The following GSE1 variants were observed in gnomAD, a reference collection of about 807,000 sequenced individuals.
GSE1 encodes Gse1 coiled-coil protein.
In GSE1, 32 loss-of-function variants were observed where a neutral mutation model predicts 112.6. The observed-to-expected ratio is 0.28, with a 90% CI of 0.21 to 0.38. The LOEUF (loss-of-function observed/expected upper bound fraction) is 0.38. Among genes scored for constraint, GSE1 ranks in the 10% least tolerant of loss-of-function variants. GSE1 has a pLI of 1.00. For missense variants in GSE1, 2,348 were observed against 1,699.2 expected (o/e 1.38, Z -6.71); for synonymous variants, 1,115 against 735.6 (o/e 1.52, Z -8.35).
intron 2 of GSE1, among the ~76,000 whole-genome samples, chr16:85,409,326 C>T (rs1250337734): frequency 3.4e-4 from 16 of 47,074 alleles, no homozygotes; most frequent in African/African-American, 1.7e-3. Context: ...ATAATCCTCA[C>T]TGTTACACTC....
chr16:85,629,166 G>A (rs767678985), intron 1 of GSE1, among the ~76,000 whole-genome samples: 25 of 152,300 alleles, frequency 1.6e-4, no homozygotes, highest in Non-Finnish European at 2.6e-4. Context: ...CCAGCACCAC[G>A]CTTCCTGTAC....
In GSE1 at chr16:85,419,605, CA is replaced by C. The variant is rs35813254; in HGVS notation, c.2464+61974del. ...TGGGCAATAGAGCAAGGCTGTGTCTCAAAAAAAAAAAACAAAAAACAAAAAA... is the reference window on the plus strand; with the variant it reads ...TGGGCAATAGAGCAAGGCTGTGTCTCAAAAAAAAAAACAAAAAACAAAAAA... On this transcript the variant is annotated intron_variant, in intron 2 of 2. Coordinates refer to the GSE1 transcript ENST00000637419. This position sits in a 1 kb window ranked among gnomAD's most constrained non-coding sequence, Gnocchi z 6.5. 0.28 allele frequency among the ~76,000 whole-genome samples: 41,219 copies of C among 145,370 alleles called. 5,879 individuals are homozygous for C. Among genetic ancestry groups the C allele is most frequent in the Middle Eastern group, 0.4 (114 of 286 alleles).
intron 1 of GSE1, among the ~76,000 whole-genome samples, chr16:85,591,102 A>G (rs936957313): frequency 6.6e-6 from 1 of 152,214 alleles, no homozygotes; most frequent in Admixed American, 6.5e-5. Flanking sequence ...GGCAGAGGCC[A>G]TCGGGACTTA....
intron 1 of GSE1, among the ~76,000 whole-genome samples, chr16:85,312,937 C>T (rs1047864104): frequency 3.3e-5 from 5 of 152,236 alleles, no homozygotes; most frequent in African/African-American, 1.2e-4. Context: ...GACGGAAGTG[C>T]TGAGGCCAAG....
At chr16:85,527,840 G>A (rs573030322) in intron 2 of GSE1, among the ~76,000 whole-genome samples, 84 of 152,372 alleles carry the variant, frequency 5.5e-4, no homozygotes, top group African/African-American at 1.9e-3. Flanking sequence ...TGGTGGAATG[G>A]GAACAGAGTC....
intron 2 of GSE1, among the ~76,000 whole-genome samples, chr16:85,361,424 T>G (rs1264663196): frequency 6.7e-6 from 1 of 149,906 alleles, no homozygotes; most frequent in Non-Finnish European, 1.5e-5. Context: ...GGACACACAT[T>G]CCAAATGCCC....
intron 2 of GSE1, among the ~76,000 whole-genome samples, chr16:85,494,403 C>G (rs971706906): frequency 6.6e-6 from 1 of 152,078 alleles, no homozygotes; most frequent in South Asian, 2.1e-4. Context: ...ATGACCTTAT[C>G]CTTAGTAACT....
At chr16:85,465,504 A>G (rs2050098831) in intron 2 of GSE1, among the ~76,000 whole-genome samples, 1 of 152,226 alleles carries the variant, frequency 6.6e-6, no homozygotes, top group Non-Finnish European at 1.5e-5. Context: ...GGGTAAGTGC[A>G]TCAGTCCAGT....
At chr16:85,510,420 C>CTGTG (rs964109424) in intron 2 of GSE1, among the ~76,000 whole-genome samples, 17 of 148,778 alleles carry the variant, frequency 1.1e-4, no homozygotes, top group Non-Finnish European at 1.9e-4. Context: ...GTGTGTGTGT[C>CTGTG]TGTGTGTGTG....
chr16:85,384,282 C>A (rs560155718), intron 2 of GSE1, among the ~76,000 whole-genome samples: 1 of 152,112 alleles, frequency 6.6e-6, no homozygotes, highest in African/African-American at 2.4e-5. Context: ...GTGGGTGCGG[C>A]CGGGTGGCGA....
At chr16:85,453,662 C>G (rs2049745386) in intron 2 of GSE1, among the ~76,000 whole-genome samples, 1 of 152,118 alleles carries the variant, frequency 6.6e-6, no homozygotes, top group African/African-American at 2.4e-5. Context: ...GTCCTGAAGT[C>G]TAGAGCTCAG....
At chr16:85,647,264 C>T (rs1010693089) in intron 2 of GSE1, among the ~76,000 whole-genome samples, 4 of 152,160 alleles carry the variant, frequency 2.6e-5, no homozygotes, top group Non-Finnish European at 4.4e-5. Flanking sequence ...TGCACCCTCC[C>T]CCTGCTACCC....
At chr16:85,599,612 C>T (rs957646908) in intron 1 of GSE1, among the ~76,000 whole-genome samples, 1 of 152,232 alleles carries the variant, frequency 6.6e-6, no homozygotes, top group African/African-American at 2.4e-5. Flanking sequence ...TCTTGCATCT[C>T]ACCTCTGTGG....
chr16:85,411,053 G>A (rs544918979), intron 2 of GSE1, among the ~76,000 whole-genome samples: 3 of 95,686 alleles, frequency 3.1e-5, no homozygotes, highest in South Asian at 3.4e-4. Context: ...CAGGCCACCC[G>A]GATAATCCTC....
rs376016869 is a variant in GSE1, at chr16:85,221,094, T to C, written c.2283+49287T>C. Among the ~76,000 whole-genome samples, 1,216 of 151,888 alleles carry C rather than the reference T, an allele frequency of 8.0e-3. 10 individuals are homozygous for C. Among genetic ancestry groups the C allele is most frequent in the African/African-American group, 0.028 (1,147 of 41,390 alleles). On this transcript the variant is annotated intron_variant, in intron 1 of 2. Coordinates refer to the GSE1 transcript ENST00000637419. ...AACCAGGCCCCCAGCCGTAAAATCC[T>C]GGAGTCGACCAGACCTCCGAGGTCA...
At chr16:85,266,182 C>G (rs974699325) in intron 1 of GSE1, among the ~76,000 whole-genome samples, 1 of 152,166 alleles carries the variant, frequency 6.6e-6, no homozygotes, top group Non-Finnish European at 1.5e-5. Flanking sequence ...GAAGGGCAAA[C>G]TTGTCCCTGT....
At chr16:85,226,550 G>A (rs60321671) in intron 1 of GSE1, among the ~76,000 whole-genome samples, 253 of 152,312 alleles carry the variant, frequency 1.7e-3, no homozygotes, top group African/African-American at 5.9e-3. Flanking sequence ...CTACAGCTGT[G>A]TGTCTGCAGT....
upstream of GSE1, among the ~76,000 whole-genome samples, chr16:85,554,268 TG>T (rs1170956035): frequency 1.3e-5 from 2 of 152,046 alleles, no homozygotes; most frequent in African/African-American, 2.4e-5. Context: ...CCCTTCGATT[TG>T]GGGAATTATC....
chr16:85,619,456 C>T (rs1014724484), intron 1 of GSE1, among the ~76,000 whole-genome samples: 2 of 152,138 alleles, frequency 1.3e-5, no homozygotes, highest in Non-Finnish European at 2.9e-5. Context: ...AGGGCCACTT[C>T]TAGGCTAACC....
Sources: allele counts gnomAD v4.1 joint callset (sites outside exome capture counted in the v4.1 genomes callset), GRCh38; gene constraint gnomAD v4.1.1; non-coding constraint Gnocchi (gnomAD v3.1); transcripts MANE v1.5; gene names NCBI Gene and HGNC (gene_info 2026-07-23, HGNC 2026-07-21).